Variants in NMNAT3 observed in about 807,000 individuals in gnomAD.
NMNAT3 encodes nicotinamide nucleotide adenylyltransferase 3.
A neutral mutation model predicts 24.8 loss-of-function variants in NMNAT3; 21 were observed. That is an observed-to-expected ratio of 0.85 (90% CI 0.60 to 1.22). The LOEUF (loss-of-function observed/expected upper bound fraction) is 1.22, where lower values mean the gene tolerates loss of function less well. Among genes scored for constraint, NMNAT3 ranks in the 50% most tolerant of loss-of-function variants. NMNAT3 has a pLI of 0.00. For missense variants in NMNAT3, 387 were observed against 436.6 expected (o/e 0.89, Z 1.01); for synonymous variants, 136 against 155.2 (o/e 0.88, Z 0.92).
intron 6 of NMNAT3, chr3:139,570,891 C>T: frequency 6.5e-6 from 1 of 152,856 alleles, no homozygotes; most frequent in South Asian, 2.1e-4. Flanking sequence ...CATTTTAAGT[C>T]TGCAGAGGTT....
At chr3:139,571,367 C>G (rs1938292918) in intron 6 of NMNAT3, 1 of 152,598 alleles carries the variant, frequency 6.6e-6, no homozygotes, top group Admixed American at 6.5e-5. Context: ...TGCACCTACT[C>G]TCTGACACTC....
At chr3:139,654,361 A>AGG (rs1190072751) in intron 1 of NMNAT3, among the ~76,000 whole-genome samples, 1 of 152,196 alleles carries the variant, frequency 6.6e-6, no homozygotes, top group Non-Finnish European at 1.5e-5. Flanking sequence ...TGGGCCCACC[A>AGG]GGGAGAGAGA....
chr3:139,650,615 T>C (rs888587145), intron 1 of NMNAT3, among the ~76,000 whole-genome samples: 9 of 152,338 alleles, frequency 5.9e-5, no homozygotes, highest in Non-Finnish European at 1.5e-5. Flanking sequence ...ACTGTGACAG[T>C]GCTTTATAAA....
intron 3 of NMNAT3, among the ~76,000 whole-genome samples, chr3:139,610,440 A>G (rs1322696556): frequency 2.0e-5 from 3 of 152,266 alleles, no homozygotes; most frequent in African/African-American, 7.2e-5. Context: ...GCCTCACATG[A>G]TATGAAAAAA....
rs146759378 is a variant in NMNAT3 at position 139,650,737 on chromosome 3, A to G, written c.-140-12675T>C. ...TGACACTCTGGGACAAATGTGGAAG[A>G]TGCAGGAGATCCCTTCTGTGAAAGC... On this transcript the variant is annotated intron_variant, in intron 1 of 6. Coordinates refer to ENST00000643695, the MANE Select transcript of NMNAT3 (RefSeq NM_001320510.2). 2.6e-5 allele frequency among the ~76,000 whole-genome samples: 4 copies of G among 152,328 alleles called. No individual in the cohort carries two copies. In the East Asian group the frequency reaches 7.7e-4, roughly 29 times the overall value.
At chr3:139,658,495 A>G (rs2057315021) in intron 1 of NMNAT3, among the ~76,000 whole-genome samples, 1 of 152,246 alleles carries the variant, frequency 6.6e-6, no homozygotes, top group Non-Finnish European at 1.5e-5. Flanking sequence ...TTTGTTTTGA[A>G]TGTATGCAAT....
intron 1 of NMNAT3, among the ~76,000 whole-genome samples, chr3:139,677,406 C>T (rs2057966316): frequency 6.6e-6 from 1 of 152,202 alleles, no homozygotes; most frequent in South Asian, 2.1e-4. Flanking sequence ...TATTTTTAAC[C>T]TTTGAGTGCA....
chr3:139,573,597 C>G lies in NMNAT3; in HGVS notation c.658+1G>C. On this transcript the variant is annotated splice_donor_variant, in intron 6 of 6. Transcript: ENST00000643695. LOFTEE classifies it high-confidence loss of function. ...CTACAGACAAGAGGATCAGCACCCACCTGCAGGGGTCGAGAAGAGTGCCTT... is the reference window on the plus strand; with the variant it reads ...CTACAGACAAGAGGATCAGCACCCAGCTGCAGGGGTCGAGAAGAGTGCCTT... The G allele has an allele frequency of 6.3e-7, 1 of 1,576,914 alleles. No individual in the cohort carries two copies. The highest frequency in any genetic ancestry group is 8.6e-7 in the Non-Finnish European group (1 of 1,158,256).
At chr3:139,570,221 G>A (rs1937963389) in intron 6 of NMNAT3, 1 of 152,076 alleles carries the variant, frequency 6.6e-6, no homozygotes, top group African/African-American at 2.4e-5. Flanking sequence ...TCTGTGCATT[G>A]GTTATTCTAG....
At chr3:139,587,111 G>A (rs186225771) in intron 3 of NMNAT3, among the ~76,000 whole-genome samples, 7 of 152,268 alleles carry the variant, frequency 4.6e-5, no homozygotes, top group Non-Finnish European at 1.0e-4. Context: ...AATACACAAC[G>A]GCACTGACAG....
At chr3:139,562,119 C>G (rs1279054362) in intron 6 of NMNAT3, among the ~76,000 whole-genome samples, 3 of 146,428 alleles carry the variant, frequency 2.0e-5, no homozygotes, top group Non-Finnish European at 3.1e-5. Flanking sequence ...CATATGCACC[C>G]CAGAACAATT....
chr3:139,648,706 G>T (rs888968230), intron 1 of NMNAT3, among the ~76,000 whole-genome samples: 2 of 152,154 alleles, frequency 1.3e-5, no homozygotes, highest in East Asian at 3.8e-4. Flanking sequence ...TCCTCTGAAG[G>T]TTTATCTGCA....
chr3:139,620,520 A>G (rs1156599009), intron 3 of NMNAT3, among the ~76,000 whole-genome samples: 1 of 152,106 alleles, frequency 6.6e-6, no homozygotes, highest in East Asian at 1.9e-4. Flanking sequence ...GCTGAATACT[A>G]TTCCGTTGTA....
chr3:139,642,846 A>T (rs968330030), intron 1 of NMNAT3, among the ~76,000 whole-genome samples: 14 of 152,128 alleles, frequency 9.2e-5, no homozygotes, highest in African/African-American at 2.9e-4. Flanking sequence ...ATGGTCTGAC[A>T]CAGCCTGGTG....
At position 139,627,606 on chromosome 3, in the gene NMNAT3, C is replaced by A. The variant is rs2108310431; in HGVS notation, c.109+10G>T. The A allele has an allele frequency of 6.5e-7, 1 of 1,541,546 alleles. No individual in the cohort carries two copies. The highest frequency in any genetic ancestry group is 8.7e-7 in the Non-Finnish European group (1 of 1,143,152). ...AGTTCTTCTGTTGGACTCAGGGCCC[C>A]CTGACTGACCTGTTTGGTGTAGGTG... On this transcript the variant is annotated intron_variant, in intron 3 of 6. Transcript: ENST00000643695.
intron 1 of NMNAT3, among the ~76,000 whole-genome samples, chr3:139,661,305 C>G (rs13075852): frequency 0.11 from 17,190 of 152,140 alleles, 1,083 homozygotes; most frequent in Non-Finnish European, 0.14. Context: ...CTAGCTCAGC[C>G]TAAGACTAAG....
rs1229586801 is a variant in NMNAT3 at position 139,566,480 on chromosome 3, G to T, written c.659-5088C>A. 3.3e-5 allele frequency: 5 copies of T among 152,138 alleles called. No individual in the cohort carries two copies. The South Asian group carries it at 1.0e-3, about 32-fold the overall frequency. The allele number at this position is 152,138 out of a possible 1,614,324, so 9.4% of individuals were successfully genotyped here. A position where few individuals can be genotyped will look rare whatever the true frequency, so the allele number is the denominator to read the frequency against. Reference sequence around the variant, plus strand: ...GGTAATGCCTAGGTTTTCTTCTAGGGTTTTTATGGTTTTAGGTCTAACATT... The same window carrying T: ...GGTAATGCCTAGGTTTTCTTCTAGGTTTTTTATGGTTTTAGGTCTAACATT... On this transcript the variant is annotated intron_variant, in intron 6 of 6. Transcript: ENST00000643695.
intron 1 of NMNAT3, among the ~76,000 whole-genome samples, chr3:139,661,528 A>G (rs951287873): frequency 6.6e-6 from 1 of 152,162 alleles, no homozygotes; most frequent in Non-Finnish European, 1.5e-5. Context: ...TAACGTAGCC[A>G]GGTGTGTTGG....
At chr3:139,564,387 A>G (rs1391251269) in intron 6 of NMNAT3, among the ~76,000 whole-genome samples, 1 of 152,184 alleles carries the variant, frequency 6.6e-6, no homozygotes, top group Non-Finnish European at 1.5e-5. Context: ...CATTCAGTAT[A>G]AAACGGAAAC....
Sources: allele counts gnomAD v4.1 joint callset (sites outside exome capture counted in the v4.1 genomes callset), GRCh38; gene constraint gnomAD v4.1.1; transcripts MANE v1.5; gene names NCBI Gene and HGNC (gene_info 2026-07-23, HGNC 2026-07-21).